ANK2: variants seen among roughly 807,000 people sequenced by gnomAD.
ANK2 encodes ankyrin 2, also known as ankyrin-2.
In ANK2, 83 loss-of-function variants were observed where a neutral mutation model predicts 360.5. The ratio of observed to expected loss-of-function variants is 0.23; its 90% confidence interval spans 0.19 to 0.28. The LOEUF (loss-of-function observed/expected upper bound fraction) is 0.28. ANK2 is among the 10% of genes least tolerant of loss of function. The probability of loss-of-function intolerance (pLI) is 1.00; values close to 1 mark genes in which losing one functional copy is unlikely to be tolerated. For synonymous variants in ANK2, 1,740 were observed against 1,759.5 expected, an observed-to-expected ratio of 0.99 and a Z score of 0.28; for missense variants, 4,201 against 4,795.7, an observed-to-expected ratio of 0.88 and a Z score of 3.66.
rs149699185 is a variant in ANK2, at chr4:113,196,412, G to A, written c.231G>A (p.Val77=). 932 of 1,613,724 alleles carry A rather than the reference G, an allele frequency of 5.8e-4. No individual in the cohort carries two copies. Among genetic ancestry groups the A allele is most frequent in the Non-Finnish European group, 7.5e-4 (881 of 1,179,982 alleles). The change falls in exon 3 of 46, where the codon GTG becomes GTA. Residue 77 remains valine (V), a synonymous_variant. Transcript: ENST00000357077. ...ALHLAAKEGH[V]GLVQELLGRG... is the part of the protein sequence containing the mutation. ...ATCTGGCTGCCAAGGAAGGCCACGT[G>A]GGGCTGGTGCAGGAGCTGCTGGGAA...
chr4:112,990,550 G>T (rs112462276), intron 2 of ANK2, among the ~76,000 whole-genome samples: 22 of 152,068 alleles, frequency 1.4e-4, no homozygotes, highest in African/African-American at 5.1e-4. Context: ...GTGTGTTTCA[G>T]AGACAGAGAT....
intron 4 of ANK2, among the ~76,000 whole-genome samples, chr4:113,220,122 A>G (rs930839318): frequency 2.0e-5 from 3 of 152,162 alleles, no homozygotes; most frequent in Admixed American, 6.5e-5. Flanking sequence ...GATCGGAACC[A>G]CACATTTTCT....
chr4:112,981,018 G>A (rs749316267), intron 2 of ANK2, among the ~76,000 whole-genome samples: 4 of 152,234 alleles, frequency 2.6e-5, no homozygotes, highest in Non-Finnish European at 5.9e-5. Flanking sequence ...GAAGATCTGC[G>A]TGATTACAAG....
intron 17 of ANK2, 134 bp downstream of exon 17, chr4:113,278,692 C>T: frequency 4.6e-6 from 4 of 865,118 alleles, no homozygotes; most frequent in Non-Finnish European, 7.4e-6. Flanking sequence ...GGTATTGACA[C>T]CCTTTTTTTT....
intron 2 of ANK2, among the ~76,000 whole-genome samples, chr4:112,985,574 G>A (rs2044555933): frequency 6.6e-6 from 1 of 152,128 alleles, no homozygotes; most frequent in African/African-American, 2.4e-5. Context: ...AGATTTATGA[G>A]GGCATTAGTT....
chr4:113,206,571 A>G (rs1484752144), intron 4 of ANK2, among the ~76,000 whole-genome samples: 1 of 152,234 alleles, frequency 6.6e-6, no homozygotes, highest in African/African-American at 2.4e-5. Context: ...GGAATAAAAA[A>G]GAAGTCAGGA....
intron 1 of ANK2, among the ~76,000 whole-genome samples, chr4:113,113,209 G>T (rs1380219564): frequency 6.6e-6 from 1 of 150,662 alleles, no homozygotes; most frequent in Non-Finnish European, 1.5e-5. Flanking sequence ...CTGATTAGGT[G>T]ATGTTTTAAC....
At chr4:112,758,483 T>C in the ANK2 span, among the ~76,000 whole-genome samples, 3 of 152,122 alleles carry the variant, frequency 2.0e-5, no homozygotes, top group Non-Finnish European at 4.4e-5. Context: ...CAATTTCGGC[T>C]CACTGCAACC....
intron 1 of ANK2, among the ~76,000 whole-genome samples, chr4:112,825,234 T>C (rs1054616927): frequency 6.6e-6 from 1 of 152,058 alleles, no homozygotes; most frequent in Admixed American, 6.5e-5. Flanking sequence ...ATATACCTAA[T>C]GTAAATAATA....
intron 26 of ANK2, among the ~76,000 whole-genome samples, chr4:113,323,141 G>C (rs2087356505): frequency 1.3e-5 from 2 of 152,174 alleles, no homozygotes; most frequent in East Asian, 1.9e-4. Flanking sequence ...TGTGGGATTA[G>C]ACATTATGAC....
chr4:113,164,861 T>C (rs953380187), intron 1 of ANK2, among the ~76,000 whole-genome samples: 2 of 152,208 alleles, frequency 1.3e-5, no homozygotes, highest in African/African-American at 2.4e-5. Context: ...TTTAACATGC[T>C]GATTAGGGAA....
At chr4:113,131,109 A>G (rs902942054) in intron 1 of ANK2, among the ~76,000 whole-genome samples, 1 of 152,200 alleles carries the variant, frequency 6.6e-6, no homozygotes, top group Non-Finnish European at 1.5e-5. Context: ...TTTAATGAAT[A>G]GTTTTATTAA....
chr4:113,034,187 T>G (rs1456005168), intron 2 of ANK2, among the ~76,000 whole-genome samples: 1 of 151,962 alleles, frequency 6.6e-6, no homozygotes, highest in Non-Finnish European at 1.5e-5. Context: ...AGGATGACGA[T>G]TATATCAAGA....
At chr4:112,799,495 A>G in the ANK2 span, among the ~76,000 whole-genome samples, 3 of 151,560 alleles carry the variant, frequency 2.0e-5, no homozygotes, top group Admixed American at 6.6e-5. Context: ...TTCTTTTAAA[A>G]TTTTTATTTA....
intron 2 of ANK2, among the ~76,000 whole-genome samples, chr4:112,991,619 CTT>C (rs35505334): frequency 8.7e-5 from 11 of 125,808 alleles, no homozygotes; most frequent in Non-Finnish European, 1.1e-4. Context: ...TTCTTTCTTT[CTT>C]TTTTTTTTTT....
the ANK2 span, among the ~76,000 whole-genome samples, chr4:112,744,073 C>T: frequency 6.6e-6 from 1 of 151,376 alleles, no homozygotes; most frequent in African/African-American, 2.4e-5. Flanking sequence ...CTGCCCACCT[C>T]GGCCTCCCAA....
the ANK2 span, among the ~76,000 whole-genome samples, chr4:112,763,935 C>T: frequency 6.6e-6 from 1 of 152,072 alleles, no homozygotes; most frequent in East Asian, 1.9e-4. Flanking sequence ...ATAATTCCCA[C>T]ATATGTTCTT....
intron 10 of ANK2, among the ~76,000 whole-genome samples, chr4:113,250,775 T>G (rs2045916059): frequency 9.8e-6 from 1 of 101,808 alleles, no homozygotes; most frequent in South Asian, 3.8e-4. Context: ...CCGACAGAGT[T>G]GGTATCAACT....
At chr4:113,260,801 G>A (rs1171342882) in intron 13 of ANK2, among the ~76,000 whole-genome samples, 1 of 152,178 alleles carries the variant, frequency 6.6e-6, no homozygotes, top group Non-Finnish European at 1.5e-5. Flanking sequence ...CTCAGAACAT[G>A]AGGATATAGC....
Sources: gnomAD v4.1 joint callset for allele counts (sites outside exome capture counted in the v4.1 genomes callset) on GRCh38, gnomAD v4.1.1 for gene constraint, MANE v1.5 for transcripts, NCBI Gene and HGNC (gene_info 2026-07-23, HGNC 2026-07-21) for gene names.